Variants in CDK14 observed in about 807,000 individuals in gnomAD.
The protein encoded by CDK14 is cyclin-dependent kinase 14.
A neutral mutation model predicts 60.7 loss-of-function variants in CDK14; 34 were observed. That is an observed-to-expected ratio of 0.56 (90% confidence interval 0.43 to 0.75). The LOEUF is 0.75. Among genes scored for constraint, CDK14 ranks in the 30% least tolerant of loss-of-function variants. The probability of loss-of-function intolerance (pLI) is 0.00; values close to 1 mark genes in which losing one functional copy is unlikely to be tolerated. For missense variants in CDK14, 482 were observed against 564.1 expected, an observed-to-expected ratio of 0.85 and a Z score of 1.47; for synonymous variants, 197 against 203.7, an observed-to-expected ratio of 0.97 and a Z score of 0.28.
chr7:91,131,018 G>C (rs1800100207), intron 14 of CDK14, among the ~76,000 whole-genome samples: 1 of 152,044 alleles, frequency 6.6e-6, no homozygotes, highest in African/African-American at 2.4e-5. Context: ...GTGCATTTGG[G>C]GTTTCAGAAT....
At chr7:90,750,377 C>T (rs1192347395) in intron 4 of CDK14, among the ~76,000 whole-genome samples, 2 of 152,082 alleles carry the variant, frequency 1.3e-5, no homozygotes, top group East Asian at 3.9e-4. Flanking sequence ...AGCAATAATT[C>T]CTGACCAAAA....
intron 2 of CDK14, among the ~76,000 whole-genome samples, chr7:90,626,596 T>C (rs891772241): frequency 1.3e-5 from 2 of 152,230 alleles, no homozygotes; most frequent in African/African-American, 4.8e-5. Context: ...GTTCAATAGA[T>C]ACATAATGCA....
intron 2 of CDK14, among the ~76,000 whole-genome samples, chr7:90,674,980 C>T (rs926830014): frequency 3.3e-4 from 50 of 152,312 alleles, no homozygotes; most frequent in African/African-American, 1.1e-3. Context: ...TTCCCCAAAT[C>T]GTCAATTTCA....
At chr7:91,142,849 T>C (rs1313038238) in intron 14 of CDK14, among the ~76,000 whole-genome samples, 2 of 152,202 alleles carry the variant, frequency 1.3e-5, no homozygotes, top group African/African-American at 4.8e-5. Context: ...ACCCAACTGA[T>C]TGAGAATGAG....
intron 2 of CDK14, among the ~76,000 whole-genome samples, chr7:90,711,129 A>ACAT (rs1802045036): frequency 6.6e-6 from 1 of 152,108 alleles, no homozygotes; most frequent in African/African-American, 2.4e-5. Context: ...ACTGGCATGT[A>ACAT]GCCAGTTCTG....
chr7:91,142,499 A>G (rs1343942670), intron 14 of CDK14, among the ~76,000 whole-genome samples: 1 of 152,222 alleles, frequency 6.6e-6, no homozygotes, highest in African/African-American at 2.4e-5. Flanking sequence ...AATAGCCCAG[A>G]GGAGCCTTTT....
At chr7:90,947,131 G>C (rs1338550717) in intron 8 of CDK14, among the ~76,000 whole-genome samples, 1 of 152,168 alleles carries the variant, frequency 6.6e-6, no homozygotes, top group Non-Finnish European at 1.5e-5. Flanking sequence ...TCTAGACAGC[G>C]TCAGTCATTC....
intron 7 of CDK14, among the ~76,000 whole-genome samples, chr7:90,915,350 A>G (rs1330175729): frequency 6.6e-6 from 1 of 152,132 alleles, no homozygotes; most frequent in Non-Finnish European, 1.5e-5. Context: ...GAGCCAGGAG[A>G]ATGGCATGAA....
At chr7:91,086,967 C>T (rs1409104715) in intron 12 of CDK14, among the ~76,000 whole-genome samples, 3 of 152,150 alleles carry the variant, frequency 2.0e-5, no homozygotes, top group African/African-American at 7.2e-5. Flanking sequence ...AGCTTTATTG[C>T]CCAGGCTGCA....
At chr7:90,686,453 G>C (rs1801438510) in intron 2 of CDK14, among the ~76,000 whole-genome samples, 1 of 152,062 alleles carries the variant, frequency 6.6e-6, no homozygotes, top group South Asian at 2.1e-4. Flanking sequence ...AATGAATTTG[G>C]GGAATTAACT....
chr7:90,969,901 G>A (rs924274565), intron 9 of CDK14, among the ~76,000 whole-genome samples: 1 of 150,544 alleles, frequency 6.6e-6, no homozygotes, highest in African/African-American at 2.4e-5. Flanking sequence ...GTAACCTGGA[G>A]TTATTACTTT....
At position 90,757,711 on chromosome 7, in the gene CDK14, A is replaced by T. The variant is rs575810380; in HGVS notation, c.464+9936A>T. Among the ~76,000 whole-genome samples the T allele has an allele frequency of 2.6e-5, 4 of 151,552 alleles. No individual in the cohort carries two copies. The South Asian group carries it at 8.3e-4, about 32-fold the overall frequency. ...TGCCGCTGAGGCTTAACCGATTCTC[A>T]TGCCTCAGCACCCCCGAGTAGCTGG... On this transcript the variant is annotated intron_variant, in intron 4 of 14. Coordinates refer to ENST00000380050, the MANE Select transcript of CDK14 (RefSeq NM_001287135.2).
intron 12 of CDK14, among the ~76,000 whole-genome samples, chr7:91,085,253 T>C (rs1798603550): frequency 6.6e-6 from 1 of 152,132 alleles, no homozygotes; most frequent in South Asian, 2.1e-4. Flanking sequence ...TCGGGGAGAA[T>C]TTACTCCCAT....
chr7:90,649,955 A>T (rs978819885), intron 2 of CDK14, among the ~76,000 whole-genome samples: 1 of 152,136 alleles, frequency 6.6e-6, no homozygotes, highest in Non-Finnish European at 1.5e-5. Flanking sequence ...ATGATTTATA[A>T]TCCTTTGGGT....
intron 2 of CDK14, among the ~76,000 whole-genome samples, chr7:90,622,421 ATT>A (rs1799790856): frequency 1.1e-4 from 17 of 152,310 alleles, no homozygotes; most frequent in Admixed American, 1.0e-3. Flanking sequence ...TGAAACTTTT[ATT>A]AGTAGAAAAA....
chr7:90,653,660 TTTTA>T (rs1047504149), intron 2 of CDK14, among the ~76,000 whole-genome samples: 4 of 152,194 alleles, frequency 2.6e-5, no homozygotes, highest in South Asian at 2.1e-4. Context: ...GCAGAAATTC[TTTTA>T]TTTATTTATT....
At chr7:91,060,716 T>A (rs887346457) in intron 11 of CDK14, among the ~76,000 whole-genome samples, 2 of 152,240 alleles carry the variant, frequency 1.3e-5, no homozygotes, top group Non-Finnish European at 2.9e-5. Flanking sequence ...TTAAGAATGT[T>A]GAACATTGGC....
At chr7:91,098,379 T>C in intron 12 of CDK14, among the ~76,000 whole-genome samples, 1 of 152,022 alleles carries the variant, frequency 6.6e-6, no homozygotes, top group African/African-American at 2.4e-5. Flanking sequence ...TTTTTAGGGA[T>C]AGCATTAGGA....
At chr7:91,015,414 A>G (rs184474916) in intron 10 of CDK14, among the ~76,000 whole-genome samples, 28 of 151,944 alleles carry the variant, frequency 1.8e-4, no homozygotes, top group Middle Eastern at 3.4e-3. Context: ...CCTATATGCC[A>G]TCTGCTCCCA....
Sources: allele counts gnomAD v4.1 joint callset (sites outside exome capture counted in the v4.1 genomes callset), GRCh38; gene constraint gnomAD v4.1.1; transcripts MANE v1.5; gene names NCBI Gene and HGNC (gene_info 2026-07-23, HGNC 2026-07-21).